DAB1: variants seen among roughly 807,000 people sequenced by gnomAD.
DAB1 encodes the protein DAB adaptor protein 1, also known as disabled homolog 1.
In DAB1, 15 loss-of-function variants were observed where a neutral mutation model predicts 64.6. The ratio of observed to expected loss-of-function variants is 0.23; its 90% CI spans 0.16 to 0.36. DAB1 has a LOEUF of 0.36. Among genes scored for constraint, DAB1 ranks in the 10% least tolerant of loss-of-function variants. DAB1 has a pLI of 1.00. For missense variants in DAB1, 596 were observed against 706.7 expected, an observed-to-expected ratio of 0.84 and a Z score of 1.78; for synonymous variants, 235 against 251.9, an observed-to-expected ratio of 0.93 and a Z score of 0.64.
chr1:57,044,737 C>T (rs1346180051), intron 9 of DAB1, among the ~76,000 whole-genome samples: 1 of 152,102 alleles, frequency 6.6e-6, no homozygotes, highest in South Asian at 2.1e-4. Flanking sequence ...TGGTTGGGAT[C>T]ATTATTTCTT....
chr1:58,276,827 T>C (rs1213971536), intron 4 of DAB1, among the ~76,000 whole-genome samples: 1 of 152,104 alleles, frequency 6.6e-6, no homozygotes. Context: ...ATAAATGTCA[T>C]AGAAATAAAG....
chr1:57,902,167 AAAAAAG>A (rs1644484961), intron 5 of DAB1, among the ~76,000 whole-genome samples: 1 of 151,848 alleles, frequency 6.6e-6, no homozygotes, highest in Admixed American at 6.6e-5. Flanking sequence ...AAAAAAAAAA[AAAAAAG>A]AAAGAAACTA....
chr1:58,460,323 G>T (rs1489963182), intron 3 of DAB1, among the ~76,000 whole-genome samples: 1 of 152,178 alleles, frequency 6.6e-6, no homozygotes, highest in African/African-American at 2.4e-5. Flanking sequence ...GACTGGGCAG[G>T]GAAGGAGGGT....
intron 2 of DAB1, among the ~76,000 whole-genome samples, chr1:57,169,793 T>G (rs1043794913): frequency 3.3e-5 from 5 of 152,080 alleles, no homozygotes; most frequent in African/African-American, 1.2e-4. Context: ...TTTCCCCTGA[T>G]GTTTCCTCTT....
intron 6 of DAB1, among the ~76,000 whole-genome samples, chr1:57,799,708 C>T (rs1235418398): frequency 6.6e-6 from 1 of 152,006 alleles, no homozygotes; most frequent in African/African-American, 2.4e-5. Flanking sequence ...AATATGCAAG[C>T]TAAGAATGGT....
At chr1:58,256,006 G>A (rs923683172) in intron 4 of DAB1, among the ~76,000 whole-genome samples, 12 of 152,138 alleles carry the variant, frequency 7.9e-5, no homozygotes, top group African/African-American at 2.2e-4. Context: ...CAGTGCCTGC[G>A]CTCTTTCCAT....
At chr1:57,928,352 C>T (rs1049058639) in intron 5 of DAB1, among the ~76,000 whole-genome samples, 3 of 152,100 alleles carry the variant, frequency 2.0e-5, no homozygotes, top group African/African-American at 7.2e-5. Context: ...AGAGATTTCC[C>T]GTATACTCTC....
At chr1:58,337,002 G>C (rs1663133453) in intron 4 of DAB1, among the ~76,000 whole-genome samples, 1 of 152,074 alleles carries the variant, frequency 6.6e-6, no homozygotes, top group South Asian at 2.1e-4. Flanking sequence ...TCAAGCAAAG[G>C]CCGGGTGCGG....
At chr1:57,592,218 G>T (rs1645453673) in intron 7 of DAB1, among the ~76,000 whole-genome samples, 1 of 152,138 alleles carries the variant, frequency 6.6e-6, no homozygotes, top group South Asian at 2.1e-4. Context: ...ATTTTTCAAG[G>T]CTGCCTTAGG....
intron 3 of DAB1, among the ~76,000 whole-genome samples, chr1:58,454,400 C>T (rs1645170218): frequency 6.6e-6 from 1 of 152,166 alleles, no homozygotes; most frequent in Admixed American, 6.5e-5. Context: ...AGAGAAGGCC[C>T]TGGGTGGGTG....
chr1:57,798,231 A>G (rs1424693028), intron 6 of DAB1, among the ~76,000 whole-genome samples: 1 of 152,216 alleles, frequency 6.6e-6, no homozygotes, highest in East Asian at 1.9e-4. Context: ...CCAATGATGT[A>G]AGGTTGGTTA....
chr1:57,011,030 A>C, intron 13 of DAB1, 115 bp downstream of exon 13: 1 of 1,377,284 alleles, frequency 7.3e-7, no homozygotes, highest in East Asian at 2.3e-5. Context: ...TTGAGAACTT[A>C]TGAGATTGAG....
At chr1:58,364,196 A>G (rs1175184897) in intron 3 of DAB1, among the ~76,000 whole-genome samples, 2 of 152,340 alleles carry the variant, frequency 1.3e-5, no homozygotes, top group East Asian at 3.9e-4. Context: ...TGAGGAGGGA[A>G]GCCTGTCCCA....
chr1:57,033,503 G>C (rs1340539843), intron 9 of DAB1: 3 of 1,612,802 alleles, frequency 1.9e-6, no homozygotes, highest in East Asian at 4.5e-5. Context: ...CAGTTAACCA[G>C]AGAGGGCTGT....
chr1:58,350,240 T>G (rs1182365092), intron 3 of DAB1, among the ~76,000 whole-genome samples: 3 of 152,236 alleles, frequency 2.0e-5, no homozygotes, highest in African/African-American at 7.2e-5. Flanking sequence ...GTTTGTTGGC[T>G]GCATAAATGT....
intron 5 of DAB1, among the ~76,000 whole-genome samples, chr1:58,139,525 A>G (rs1391902299): frequency 6.6e-6 from 1 of 152,174 alleles, no homozygotes; most frequent in Non-Finnish European, 1.5e-5. Flanking sequence ...AGAACTCACT[A>G]TTATGAGAAC....
intron 5 of DAB1, among the ~76,000 whole-genome samples, chr1:57,961,152 T>C (rs1473064270): frequency 3.3e-5 from 5 of 152,214 alleles, no homozygotes; most frequent in Admixed American, 1.3e-4. Context: ...AGTTCAATAA[T>C]TGTTAACTGG....
chr1:57,972,336 A>G (rs919148753), intron 5 of DAB1, among the ~76,000 whole-genome samples: 6 of 152,188 alleles, frequency 3.9e-5, no homozygotes, highest in Admixed American at 3.3e-4. Context: ...TCCTTGGCTC[A>G]AGGGATCCTT....
At chr1:57,057,154 G>A (rs2100549139) in intron 9 of DAB1, among the ~76,000 whole-genome samples, 1 of 152,180 alleles carries the variant, frequency 6.6e-6, no homozygotes, top group East Asian at 1.9e-4. Context: ...CTGTCCACTG[G>A]AACGATGAAT....
Sources: gnomAD v4.1 joint callset for allele counts (sites outside exome capture counted in the v4.1 genomes callset) on GRCh38, gnomAD v4.1.1 for gene constraint, MANE v1.5 for transcripts, NCBI Gene and HGNC (gene_info 2026-07-23, HGNC 2026-07-21) for gene names.